Variants in PDE4D observed in about 807,000 individuals in gnomAD.
The protein encoded by PDE4D is phosphodiesterase 4D, also known as 3',5'-cyclic-AMP phosphodiesterase 4D.
Under a neutral mutation model 87.4 loss-of-function variants are expected in PDE4D, and 24 were observed. The ratio of observed to expected loss-of-function variants is 0.27; its 90% CI spans 0.20 to 0.39. The LOEUF (loss-of-function observed/expected upper bound fraction) is 0.39, where lower values mean the gene tolerates loss of function less well. Ranked by LOEUF, PDE4D falls within the 10% of genes least tolerant of loss-of-function variation. The pLI, the probability that PDE4D is intolerant of heterozygous loss-of-function variation, is 1.00. For missense variants in PDE4D, 714 were observed against 1,041.0 expected (o/e 0.69, Z 4.32); for synonymous variants, 384 against 383.2 (o/e 1.00, Z -0.02).
chr5:60,079,457 A>T (rs1773694292), intron 2 of PDE4D, among the ~76,000 whole-genome samples: 1 of 152,134 alleles, frequency 6.6e-6, no homozygotes, highest in Non-Finnish European at 1.5e-5. Flanking sequence ...GCCCAGGCCT[A>T]TGTCCTGAAT....
chr5:59,043,676 G>C (rs555772548), intron 5 of PDE4D, among the ~76,000 whole-genome samples: 1 of 152,084 alleles, frequency 6.6e-6, no homozygotes, highest in East Asian at 1.9e-4. Context: ...ATTTACATTA[G>C]GTATATCTCC....
chr5:59,772,446 A>G (rs904012083), intron 1 of PDE4D, among the ~76,000 whole-genome samples: 1 of 152,218 alleles, frequency 6.6e-6, no homozygotes, highest in Non-Finnish European at 1.5e-5. Flanking sequence ...TAACTTCATG[A>G]AAGTTTTCCT....
At chr5:59,233,966 G>A (rs1165270296) in intron 1 of PDE4D, among the ~76,000 whole-genome samples, 1 of 152,126 alleles carries the variant, frequency 6.6e-6, no homozygotes, top group Non-Finnish European at 1.5e-5. Flanking sequence ...CCAAATTCAT[G>A]GTGAGGCTAT....
In PDE4D at chr5:59,942,931, G is replaced by A. The variant is rs117938074; in HGVS notation, c.272+45557C>T. On this transcript the variant is annotated intron_variant, in intron 3 of 16. Transcript: ENST00000502484. Reference sequence around the variant, plus strand: ...CTTTGATTGCCACAACTTGTGGGGCGAGGGACACAATATTTTCATGGGTAA... The same window carrying A: ...CTTTGATTGCCACAACTTGTGGGGCAAGGGACACAATATTTTCATGGGTAA... Among the ~76,000 whole-genome samples, 1,130 of 152,084 alleles carry A rather than the reference G, an allele frequency of 7.4e-3. 14 individuals carry two copies. The highest frequency in any genetic ancestry group is 0.043 in the East Asian group (223 of 5,158).
intron 1 of PDE4D, among the ~76,000 whole-genome samples, chr5:60,296,465 T>C (rs1041075233): frequency 6.6e-6 from 1 of 152,198 alleles, no homozygotes; most frequent in Non-Finnish European, 1.5e-5. Context: ...TAAGCCTCCT[T>C]TTAAGAAGAG....
intron 1 of PDE4D, among the ~76,000 whole-genome samples, chr5:59,367,450 A>T (rs1273307952): frequency 1.3e-5 from 2 of 152,216 alleles, no homozygotes; most frequent in Non-Finnish European, 2.9e-5. Context: ...AATCAGAATA[A>T]ATGAAATACA....
rs762591421 is a variant in PDE4D, at chr5:59,215,986, G to A, written c.456-18C>T. 3.2e-6 allele frequency: 5 copies of A among 1,578,546 alleles called. No individual in the cohort carries two copies. The African/African-American group carries it at 5.4e-5, about 17-fold the overall frequency. ...CATCAAAACTGTAAAGGAAGGAGAA[G>A]GAATTATGTTGCTGTGAACATTCAC... On this transcript the variant is annotated intron_variant, in intron 1 of 14. Transcript: ENST00000340635.
chr5:59,920,657 C>T lies in PDE4D; in HGVS notation c.272+67831G>A, dbSNP rs569568984. ...TGGTCGTGTGACTTTTGGTAAGCCA[C>T]TTAACTTCTCTGAACTTCAGTTTCT... On this transcript the variant is annotated intron_variant, in intron 3 of 16. Coordinates refer to the PDE4D transcript ENST00000502484. Among the ~76,000 whole-genome samples the T allele has an allele frequency of 4.6e-5, 7 of 152,268 alleles. No homozygotes were observed. The South Asian group carries it at 1.2e-3, about 27-fold the overall frequency.
chr5:60,026,723 G>C (rs982247669), intron 2 of PDE4D, among the ~76,000 whole-genome samples: 1 of 152,174 alleles, frequency 6.6e-6, no homozygotes, highest in Non-Finnish European at 1.5e-5. Context: ...ACCCTAGGCA[G>C]AGGAATCATT....
chr5:60,360,585 G>A (rs1226351027), intron 1 of PDE4D, among the ~76,000 whole-genome samples: 5 of 152,176 alleles, frequency 3.3e-5, no homozygotes, highest in Admixed American at 6.5e-5. Context: ...GCTGGAGACC[G>A]AAGAGGCCAA....
chr5:59,743,145 AT>A (rs931197597), intron 1 of PDE4D, among the ~76,000 whole-genome samples: 6 of 152,098 alleles, frequency 3.9e-5, no homozygotes, highest in African/African-American at 1.4e-4. Flanking sequence ...CAAACCCTAA[AT>A]TTTTTCCTTA....
intron 3 of PDE4D, among the ~76,000 whole-genome samples, chr5:59,926,393 C>CA (rs1179026110): frequency 1.3e-5 from 2 of 151,530 alleles, no homozygotes; most frequent in African/African-American, 4.8e-5. Context: ...TACCCTATAT[C>CA]AAAAAAAGAA....
At chr5:59,490,470 G>A (rs1805980384) in intron 1 of PDE4D, among the ~76,000 whole-genome samples, 1 of 152,078 alleles carries the variant, frequency 6.6e-6, no homozygotes, top group African/African-American at 2.4e-5. Flanking sequence ...TGAAGATGAA[G>A]CTGGAGACAT....
intron 1 of PDE4D, among the ~76,000 whole-genome samples, chr5:60,476,326 A>G (rs762660454): frequency 6.6e-6 from 1 of 152,158 alleles, no homozygotes; most frequent in Non-Finnish European, 1.5e-5. Flanking sequence ...AACTGATCAC[A>G]GTATCTAAAT....
chr5:60,359,843 C>T (rs1387615244), intron 1 of PDE4D, among the ~76,000 whole-genome samples: 1 of 152,184 alleles, frequency 6.6e-6, no homozygotes. Context: ...TCTACCCCCA[C>T]AAAACACACG....
chr5:59,990,466 T>C (rs1428668456), intron 2 of PDE4D, among the ~76,000 whole-genome samples: 1 of 152,160 alleles, frequency 6.6e-6, no homozygotes, highest in Non-Finnish European at 1.5e-5. Context: ...TGGTGGACTC[T>C]ATCCAACCTT....
intron 1 of PDE4D, among the ~76,000 whole-genome samples, chr5:60,457,185 T>C (rs2150162773): frequency 6.6e-6 from 1 of 152,286 alleles, no homozygotes; most frequent in Admixed American, 6.5e-5. Context: ...AGATTTGCAG[T>C]ACAGCTGAGA....
chr5:60,081,912 G>A (rs1172417536), intron 2 of PDE4D, among the ~76,000 whole-genome samples: 2 of 152,082 alleles, frequency 1.3e-5, no homozygotes, highest in Non-Finnish European at 2.9e-5. Flanking sequence ...GTTTGTAGAG[G>A]TTAATGAAAG....
chr5:59,096,371 T>C (rs969247288), intron 5 of PDE4D, among the ~76,000 whole-genome samples: 6 of 152,176 alleles, frequency 3.9e-5, no homozygotes, highest in African/African-American at 1.4e-4. Context: ...TTCTATTTCA[T>C]CAAGAAATAT....
Sources: gnomAD v4.1 joint callset for allele counts (sites outside exome capture counted in the v4.1 genomes callset) on GRCh38, gnomAD v4.1.1 for gene constraint, MANE v1.5 for transcripts, NCBI Gene and HGNC (gene_info 2026-07-23, HGNC 2026-07-21) for gene names.